Variants in DDR2 observed in about 807,000 individuals in gnomAD.
The protein encoded by DDR2 is discoidin domain receptor tyrosine kinase 2, also known as discoidin domain-containing receptor 2.
A neutral mutation model predicts 94.9 loss-of-function variants in DDR2; 27 were observed. That is an observed-to-expected ratio of 0.28 (90% CI 0.21 to 0.39). DDR2 has a LOEUF of 0.39. Ranked by LOEUF, DDR2 falls within the 10% of genes least tolerant of loss-of-function variation. DDR2 has a pLI of 1.00. For missense variants in DDR2, 783 were observed against 1,076.0 expected (o/e 0.73, Z 3.81); for synonymous variants, 382 against 377.2 (o/e 1.01, Z -0.15).
At chr1:162,758,662 T>C (rs1663573142) in intron 7 of DDR2, among the ~76,000 whole-genome samples, 1 of 152,230 alleles carries the variant, frequency 6.6e-6, no homozygotes, top group African/African-American at 2.4e-5. Flanking sequence ...AGTCAAATTT[T>C]ATAATTTACC....
At chr1:162,736,946 G>A (rs1662326472) in intron 3 of DDR2, among the ~76,000 whole-genome samples, 1 of 152,214 alleles carries the variant, frequency 6.6e-6, no homozygotes, top group Non-Finnish European at 1.5e-5. Context: ...AAGACAGCCA[G>A]GGGATGTCTG....
At position 162,782,392 on chromosome 1, in the gene DDR2, TA is replaced by T. The variant is rs1171009005; in HGVS notation, c.*2148del. 6.6e-6 allele frequency: 1 copy of T among 152,020 alleles called. No individual in the cohort carries two copies. The highest frequency in any genetic ancestry group is 6.6e-5 in the Admixed American group (1 of 15,262). 9.4% of individuals were successfully genotyped at this position (152,020 alleles called of 1,614,324 possible). A position where few individuals can be genotyped will look rare whatever the true frequency, so the allele number is the denominator to read the frequency against. Reference sequence around the variant, plus strand: ...AAAGAGATCATGGAAGAAATCACTGTAATGGTAGTAATAGTAACACATGCCA... The same window carrying T: ...AAAGAGATCATGGAAGAAATCACTGTATGGTAGTAATAGTAACACATGCCA... On this transcript the variant is annotated 3_prime_UTR_variant, in exon 18 of 18. Coordinates refer to ENST00000367921, the MANE Select transcript of DDR2 (RefSeq NM_006182.4).
At position 162,780,254 on chromosome 1, in the gene DDR2, A is replaced by G. The variant is rs1427124747; in HGVS notation, c.*8A>G. 1.2e-5 allele frequency: 19 copies of G among 1,613,684 alleles called. No individual in the cohort carries two copies. The highest frequency in any genetic ancestry group is 8.9e-5 in the East Asian group (4 of 44,880). On this transcript the variant is annotated 3_prime_UTR_variant, in exon 18 of 18. Transcript: ENST00000367921. ...CAACAAGGCGACGAGTGATGCTGTC[A>G]GTGCCTGGCCATGTTCCTACGGCTC... is the stretch of plus-strand genomic sequence containing the variant.
intron 3 of DDR2, among the ~76,000 whole-genome samples, chr1:162,731,555 G>A (rs563243799): frequency 1.6e-4 from 25 of 152,246 alleles, no homozygotes; most frequent in Middle Eastern, 3.4e-3. Flanking sequence ...ATTCCTTATG[G>A]CATTCCTATA....
chr1:162,736,011 A>T (rs1435859211), intron 3 of DDR2, among the ~76,000 whole-genome samples: 3 of 152,186 alleles, frequency 2.0e-5, no homozygotes, highest in African/African-American at 7.2e-5. Flanking sequence ...GCCCAGTGGG[A>T]CGGTCAGTGT....
chr1:162,710,720 C>G (rs1371617335), intron 2 of DDR2, among the ~76,000 whole-genome samples: 1 of 151,816 alleles, frequency 6.6e-6, no homozygotes, highest in African/African-American at 2.4e-5. Context: ...CCCACCAAAT[C>G]TTAATCTTCA....
chr1:162,727,072 T>A (rs1571249580), intron 3 of DDR2, among the ~76,000 whole-genome samples: 3 of 144,642 alleles, frequency 2.1e-5, no homozygotes, highest in African/African-American at 7.5e-5. Flanking sequence ...TTATAAATAT[T>A]ATAATATTTA....
chr1:162,773,710 C>T, intron 14 of DDR2, 114 bp downstream of exon 14: 1 of 1,378,056 alleles, frequency 7.3e-7, no homozygotes, highest in East Asian at 2.4e-5. Flanking sequence ...CAGTGAGCTG[C>T]CTCCCATTTC....
chr1:162,733,095 G>T (rs1662137420), intron 3 of DDR2, among the ~76,000 whole-genome samples: 1 of 152,230 alleles, frequency 6.6e-6, no homozygotes, highest in Non-Finnish European at 1.5e-5. Context: ...AACTCAGCAG[G>T]AAAAACCAGG....
At chr1:162,754,574 C>T (rs775968178) in intron 4 of DDR2, 50 bp from the exon 5 acceptor site, 2 of 1,581,908 alleles carry the variant, frequency 1.3e-6, no homozygotes, top group East Asian at 4.5e-5. Flanking sequence ...CAGTAAACAG[C>T]TCTGTGGTTT....
At chr1:162,660,506 G>T (rs1293874753) in intron 2 of DDR2, among the ~76,000 whole-genome samples, 1 of 152,168 alleles carries the variant, frequency 6.6e-6, no homozygotes, top group Non-Finnish European at 1.5e-5. Context: ...GACTAAATCA[G>T]AATCTGTAAT....
At chr1:162,729,595 C>G (rs1053490533) in intron 3 of DDR2, among the ~76,000 whole-genome samples, 41 of 149,800 alleles carry the variant, frequency 2.7e-4, no homozygotes, top group Non-Finnish European at 5.9e-4. Flanking sequence ...TAGTGATAAT[C>G]TGTTGTGTCG....
intron 3 of DDR2, among the ~76,000 whole-genome samples, chr1:162,727,324 TATA>T (rs1173473132): frequency 7.1e-6 from 1 of 141,414 alleles, no homozygotes; most frequent in African/African-American, 2.5e-5. Context: ...TAATAAATAT[TATA>T]ATAAATATAC....
intron 2 of DDR2, among the ~76,000 whole-genome samples, chr1:162,677,431 A>G (rs567017688): frequency 1.3e-5 from 2 of 152,224 alleles, no homozygotes. Flanking sequence ...ATAGCTGATT[A>G]CAGTTTGCAA....
intron 1 of DDR2, among the ~76,000 whole-genome samples, chr1:162,640,597 C>A (rs142529263): frequency 2.0e-4 from 31 of 152,258 alleles, no homozygotes; most frequent in African/African-American, 7.0e-4. Flanking sequence ...TTGGCTACTT[C>A]TTTCTTATTT....
chr1:162,733,076 C>T (rs1034194161), intron 3 of DDR2, among the ~76,000 whole-genome samples: 1 of 152,300 alleles, frequency 6.6e-6, no homozygotes, highest in East Asian at 1.9e-4. Context: ...ATCAGAAAAC[C>T]GCTAAGACAA....
chr1:162,716,741 G>A (rs532945607), intron 2 of DDR2, among the ~76,000 whole-genome samples: 54 of 150,754 alleles, frequency 3.6e-4, no homozygotes, highest in African/African-American at 1.3e-3. Context: ...GGGTGTGTCA[G>A]TATTATACTG....
At chr1:162,727,701 C>T (rs1161037478) in intron 3 of DDR2, among the ~76,000 whole-genome samples, 1 of 147,726 alleles carries the variant, frequency 6.8e-6, no homozygotes, top group Non-Finnish European at 1.5e-5. Context: ...ATTATCACTA[C>T]ACCAGAGACA....
At chr1:162,660,195 A>G (rs964154654) in intron 2 of DDR2, among the ~76,000 whole-genome samples, 2 of 152,192 alleles carry the variant, frequency 1.3e-5, no homozygotes, top group Admixed American at 6.5e-5. Flanking sequence ...TTGTCTTATA[A>G]GAGACATTAA....
Sources: gnomAD v4.1 joint callset for allele counts (sites outside exome capture counted in the v4.1 genomes callset) on GRCh38, gnomAD v4.1.1 for gene constraint, MANE v1.5 for transcripts, NCBI Gene and HGNC (gene_info 2026-07-23, HGNC 2026-07-21) for gene names.